ASCC2: variants seen among roughly 807,000 people sequenced by gnomAD.
The protein encoded by ASCC2 is ASC-1 complex subunit P100.
Under a neutral mutation model 93.5 loss-of-function variants are expected in ASCC2, and 42 were observed. The ratio of observed to expected loss-of-function variants is 0.45; its 90% CI spans 0.35 to 0.58. The LOEUF (loss-of-function observed/expected upper bound fraction) is 0.58, where lower values mean the gene tolerates loss of function less well. ASCC2 is among the 20% of genes least tolerant of loss of function. The pLI is 0.00. For missense variants in ASCC2, 859 were observed against 977.6 expected, an observed-to-expected ratio of 0.88 and a Z score of 1.62; for synonymous variants, 364 against 384.2, an observed-to-expected ratio of 0.95 and a Z score of 0.62.
chr22:29,806,819 G>C lies in ASCC2; in HGVS notation c.994C>G (p.Leu332Val). 6.2e-7 allele frequency: 1 copy of C among 1,613,402 alleles called. No individual in the cohort carries two copies. Among genetic ancestry groups the C allele is most frequent in the Non-Finnish European group, 8.5e-7 (1 of 1,179,328 alleles). ...TACCTGCTTTCTAGGATGGGAAGGA[G>C]GCAGATCTGGTTCAGGATGATGTGG... is the stretch of plus-strand genomic sequence containing the variant. ...IFHIILNQIC[L>V]LPILESSCDN... The change falls in exon 10 of 20, where the codon CTC (leucine) becomes GTC (valine). Residue 332 changes from leucine (L) to valine (V), a missense_variant. Leu to Val is a conservative substitution (Grantham distance 32, BLOSUM62 1). Coordinates refer to ENST00000307790, the MANE Select transcript of ASCC2 (RefSeq NM_032204.5).
chr22:29,795,735 C>T (rs1347860536), intron 15 of ASCC2, among the ~76,000 whole-genome samples: 2 of 152,154 alleles, frequency 1.3e-5, no homozygotes, highest in Non-Finnish European at 2.9e-5. Flanking sequence ...AGCACAGCTT[C>T]GGCAGGGACT....
At chr22:29,798,760 G>C (rs570810946) in intron 15 of ASCC2, among the ~76,000 whole-genome samples, 1 of 152,316 alleles carries the variant, frequency 6.6e-6, no homozygotes, top group African/African-American at 2.4e-5. Flanking sequence ...TTGTTTAATG[G>C]TCTTTCTTAT....
chr22:29,789,234 T>C (rs745631809), intron 19 of ASCC2, 50 bp from the exon 20 acceptor site: 1 of 1,610,104 alleles, frequency 6.2e-7, no homozygotes, highest in African/African-American at 1.3e-5. Flanking sequence ...CGGAAGAGGC[T>C]CTGGCGGGAG....
intron 2 of ASCC2, among the ~76,000 whole-genome samples, chr22:29,829,392 A>G (rs745727917): frequency 4.5e-4 from 68 of 152,138 alleles, no homozygotes; most frequent in Non-Finnish European, 7.6e-4. Context: ...GGCATTGAGC[A>G]GACTTTCTGT....
intron 6 of ASCC2, among the ~76,000 whole-genome samples, chr22:29,815,512 G>A (rs1169279142): frequency 6.6e-6 from 1 of 152,080 alleles, no homozygotes; most frequent in Non-Finnish European, 1.5e-5. Context: ...AACTGACTGT[G>A]CCATTTTAAG....
chr22:29,789,228 A>G, intron 19 of ASCC2, 44 bp from the exon 20 acceptor site: 1 of 1,612,244 alleles, frequency 6.2e-7, no homozygotes, highest in Non-Finnish European at 8.5e-7. Context: ...GTCAGCCGGA[A>G]GAGGCTCTGG....
At chr22:29,835,654 T>C (rs534051838) in intron 1 of ASCC2, among the ~76,000 whole-genome samples, 1 of 152,226 alleles carries the variant, frequency 6.6e-6, no homozygotes, top group African/African-American at 2.4e-5. Flanking sequence ...ACTCGTAGGG[T>C]TGCTATGAGA....
intron 8 of ASCC2, chr22:29,809,837 ATATAAT>A (rs1402261531): frequency 6.6e-6 from 1 of 152,018 alleles, no homozygotes; most frequent in Non-Finnish European, 1.5e-5. Flanking sequence ...TTTCAAATAA[ATATAAT>A]TATACTAATT....
chr22:29,828,932 T>C (rs2062780929), intron 2 of ASCC2, among the ~76,000 whole-genome samples: 1 of 152,212 alleles, frequency 6.6e-6, no homozygotes, highest in Non-Finnish European at 1.5e-5. Flanking sequence ...CCCAGCACTT[T>C]CGGAGGCCAA....
rs1022983417 is a variant in ASCC2 at position 29,825,910 on chromosome 22, A to G, written c.82-130T>C. 7.7e-6 allele frequency: 8 copies of G among 1,045,168 alleles called. No homozygotes were observed. The African/African-American group carries it at 1.3e-4, about 17-fold the overall frequency. The allele number at this position is 1,045,168 out of a possible 1,614,324, so 64.7% of individuals were successfully genotyped here. The stretch of plus-strand genomic sequence containing the variant: ...CTCCAAGGAGCTTTTAAGCATAAAG[A>G]ACCAAGTGTATCTAACAAAGAGGGC... On this transcript the variant is annotated intron_variant, in intron 2 of 19. Coordinates refer to ENST00000307790, the MANE Select transcript of ASCC2 (RefSeq NM_032204.5). The surrounding 1 kb of genome is among the most constrained non-coding windows in gnomAD (Gnocchi z 4.9).
chr22:29,797,426 G>A (rs2147520063), intron 15 of ASCC2, among the ~76,000 whole-genome samples: 1 of 152,264 alleles, frequency 6.6e-6, no homozygotes, highest in Admixed American at 6.5e-5. Context: ...AAGAATCAGG[G>A]GATCCAGAGA....
In ASCC2 at chr22:29,806,268, G is replaced by C. The variant is rs1207759767; in HGVS notation, c.1108C>G (p.Leu370Val). The change falls in exon 12 of 20, where the codon CTC becomes GTC. Residue 370 changes from leucine (L) to valine (V), a missense_variant. By Grantham distance (32) the Leu-to-Val change is conservative. Transcript: ENST00000307790. ...EKRFLRDYDA[L>V]FPVAEDISLL... Reference sequence around the variant, plus strand: ...CTGATGTCTTCGGCCACGGGGAAGAGTGCATCATAGTCCCGGAGGAACCTG... The same window carrying C: ...CTGATGTCTTCGGCCACGGGGAAGACTGCATCATAGTCCCGGAGGAACCTG... 1.2e-6 allele frequency: 2 copies of C among 1,614,044 alleles called. No homozygotes were observed. The highest frequency in any genetic ancestry group is 1.7e-6 in the Non-Finnish European group (2 of 1,180,036).
At chr22:29,806,117 G>T in intron 12 of ASCC2, 99 bp downstream of exon 12, 3 of 1,362,116 alleles carry the variant, frequency 2.2e-6, no homozygotes, top group Non-Finnish European at 3.1e-6. Context: ...TGCGTTCTGG[G>T]GCTAAACCTC....
chr22:29,792,871 C>T (rs1161858833), intron 17 of ASCC2, among the ~76,000 whole-genome samples: 1 of 152,122 alleles, frequency 6.6e-6, no homozygotes, highest in African/African-American at 2.4e-5. Context: ...ATGGACTGAG[C>T]GCGGTGGCTC....
intron 15 of ASCC2, among the ~76,000 whole-genome samples, chr22:29,794,968 T>G (rs1188333566): frequency 6.6e-6 from 1 of 152,096 alleles, no homozygotes; most frequent in African/African-American, 2.4e-5. Context: ...TTTTTTTTTT[T>G]TTGTTACAGG....
Position 29,804,754 on chromosome 22 carries a change from C to T in ASCC2, c.1237G>A (p.Asp413Asn). 2 of 1,614,168 alleles carry T rather than the reference C, an allele frequency of 1.2e-6. No individual in the cohort carries two copies. Among genetic ancestry groups the T allele is most frequent in the Non-Finnish European group, 1.7e-6 (2 of 1,180,032 alleles). Residue 413 changes from aspartate (D) to asparagine (N), a missense_variant, in exon 13 of 20, where the codon GAT (aspartate) becomes AAT (asparagine). Coordinates refer to ENST00000307790, the MANE Select transcript of ASCC2 (RefSeq NM_032204.5). Reference protein sequence around the residue: ...WEGVDRRKATDAKDPSVIEEP... With the variant: ...WEGVDRRKATNAKDPSVIEEP... ...TCAATCACCGATGGGTCTTTAGCAT[C>T]TGTGGCTTTCCGTCTGTCCACCCCT...
At position 29,825,020 on chromosome 22, in the gene ASCC2, G is replaced by A. The variant is rs2062119235; in HGVS notation, c.411+67C>T. The A allele has an allele frequency of 2.3e-6, 3 of 1,287,950 alleles. No individual in the cohort carries two copies. The highest frequency in any genetic ancestry group is 1.5e-5 in the African/African-American group (1 of 65,244). 79.8% of individuals were successfully genotyped at this position (1,287,950 alleles called of 1,614,324 possible). A position where few individuals can be genotyped will look rare whatever the true frequency, so the allele number is the denominator to read the frequency against. ...ATGCTTCCAGAGCCTTCCTTCCCAG[G>A]GGTGGAGAGCCCGGCACAGAGGTGT... On this transcript the variant is annotated intron_variant, in intron 4 of 19. Transcript: ENST00000307790. This position sits in a 1 kb window ranked among gnomAD's most constrained non-coding sequence, Gnocchi z 4.9.
rs552657434 is a variant in ASCC2, at chr22:29,825,053, C to T, written c.411+34G>A. 2.2e-6 allele frequency: 3 copies of T among 1,379,470 alleles called. No individual in the cohort carries two copies. The highest frequency in any genetic ancestry group is 2.7e-5 in the Admixed American group (1 of 36,586). 85.5% of individuals were successfully genotyped at this position (1,379,470 alleles called of 1,614,324 possible). A position where few individuals can be genotyped will look rare whatever the true frequency, so the allele number is the denominator to read the frequency against. ...AGCCCGGCACAGAGGTGTCGAGTAT[C>T]GGGTGATGACCTGTCATGGGATCAG... On this transcript the variant is annotated intron_variant, in intron 4 of 19. Transcript: ENST00000307790. This position sits in a 1 kb window ranked among gnomAD's most constrained non-coding sequence, Gnocchi z 4.9.
chr22:29,825,515 A>G lies in ASCC2; in HGVS notation c.240+107T>C. The G allele has an allele frequency of 6.7e-7, 1 of 1,487,786 alleles. No homozygotes were observed. The highest frequency in any genetic ancestry group is 1.2e-5 in the South Asian group (1 of 86,516). 92.2% of individuals were successfully genotyped at this position (1,487,786 alleles called of 1,614,324 possible). A position where few individuals can be genotyped will look rare whatever the true frequency, so the allele number is the denominator to read the frequency against. On this transcript the variant is annotated intron_variant, in intron 3 of 19. Coordinates refer to ENST00000307790, the MANE Select transcript of ASCC2 (RefSeq NM_032204.5). The surrounding 1 kb of genome is among the most constrained non-coding windows in gnomAD (Gnocchi z 4.9). ...CAATTTGCTGTTAAGGATCCAGTGAAAGAAGTAGACAAAAAAGCACCTCCT... is the reference window on the plus strand; with the variant it reads ...CAATTTGCTGTTAAGGATCCAGTGAGAGAAGTAGACAAAAAAGCACCTCCT...
Sources: gnomAD v4.1 joint callset for allele counts (sites outside exome capture counted in the v4.1 genomes callset) on GRCh38, gnomAD v4.1.1 for gene constraint, Gnocchi (gnomAD v3.1) non-coding constraint, MANE v1.5 for transcripts, NCBI Gene and HGNC (gene_info 2026-07-23, HGNC 2026-07-21) for gene names.